The following CENPF variants were observed in gnomAD, a reference collection of about 807,000 sequenced individuals.
CENPF encodes the protein AH antigen.
In CENPF, 214 loss-of-function variants were observed where a neutral mutation model predicts 307.3. That is an observed-to-expected ratio of 0.70 (90% confidence interval 0.62 to 0.78). CENPF has a LOEUF of 0.78. CENPF is among the 30% of genes least tolerant of loss of function. CENPF has a pLI of 0.00. For missense variants in CENPF, 3,401 were observed against 3,483.9 expected, an observed-to-expected ratio of 0.98 and a Z score of 0.60; for synonymous variants, 1,259 against 1,270.6, an observed-to-expected ratio of 0.99 and a Z score of 0.19.
intron 14 of CENPF, 135 bp downstream of exon 14, chr1:214,648,962 GT>G: frequency 1.2e-6 from 1 of 845,726 alleles, no homozygotes; most frequent in South Asian, 1.8e-5. Context: ...CTGTGCTTAT[GT>G]CATAATCTGA....
chr1:214,635,070 A>G (rs1242695363), intron 10 of CENPF, among the ~76,000 whole-genome samples: 2 of 152,170 alleles, frequency 1.3e-5, no homozygotes, highest in Non-Finnish European at 1.5e-5. Flanking sequence ...TTAGGCAATA[A>G]AATACCATCG....
chr1:214,630,451 G>A (rs1040521550), intron 8 of CENPF, 83 bp from the exon 9 acceptor site: 6 of 1,531,880 alleles, frequency 3.9e-6, no homozygotes, highest in Admixed American at 3.5e-5. Flanking sequence ...CTGTGCAGTC[G>A]CCTGTTAGGA....
chr1:214,605,492 T>G (rs1656997671), intron 1 of CENPF: 4 of 566,966 alleles, frequency 7.1e-6, no homozygotes, highest in Non-Finnish European at 1.2e-5. Context: ...TTCACGTATT[T>G]TCTTCTTGCT....
At position 214,646,408 on chromosome 1, in the gene CENPF, GA is replaced by G; in HGVS notation, c.6841del (p.Ile2281LeufsTer2). The G allele has an allele frequency of 6.2e-7, 1 of 1,614,096 alleles. No homozygotes were observed. Among genetic ancestry groups the G allele is most frequent in the Middle Eastern group, 1.6e-4 (1 of 6,062 alleles). On this transcript the variant is annotated frameshift_variant, in exon 13 of 20. Transcript: ENST00000366955. LOFTEE classifies it high-confidence loss of function. ...EAVAALCGDQ[E>X]IMKATEQSLD... ...AGTAGCAGCCTTGTGTGGTGACCAA[GA>G]AATTATGAAGGCCACAGAACAGAGT...
At position 214,640,628 on chromosome 1, in the gene CENPF, A is replaced by C. The variant is rs765992720; in HGVS notation, c.2290A>C (p.Arg764=). The C allele has an allele frequency of 6.2e-7, 1 of 1,614,178 alleles. No individual in the cohort carries two copies. Among genetic ancestry groups the C allele is most frequent in the African/African-American group, 1.3e-5 (1 of 75,070 alleles). Residue 764 remains arginine (R), a synonymous_variant, in exon 12 of 20, where the codon AGG becomes CGG. Transcript: ENST00000366955. ...QDLHAEYESL[R]DLLKSKDASL... Reference sequence around the variant, plus strand: ...CTTGCATGCCGAATATGAGAGCCTCAGGGATCTGCTAAAATCCAAAGATGC... The same window carrying C: ...CTTGCATGCCGAATATGAGAGCCTCCGGGATCTGCTAAAATCCAAAGATGC...
intron 11 of CENPF, among the ~76,000 whole-genome samples, chr1:214,638,502 C>G (rs80221670): frequency 0.049 from 7,470 of 152,288 alleles, 238 homozygotes; most frequent in East Asian, 0.12. Context: ...GAATTCTGCT[C>G]TACACATCAA....
chr1:214,654,556 G>A (rs944991480), intron 16 of CENPF: 12 of 152,164 alleles, frequency 7.9e-5, no homozygotes, highest in African/African-American at 2.4e-4. Flanking sequence ...GACAGAGGGA[G>A]ATCCTGTCTT....
intron 9 of CENPF, 48 bp downstream of exon 9, chr1:214,630,710 C>T (rs779433130): frequency 6.3e-7 from 1 of 1,596,264 alleles, no homozygotes; most frequent in East Asian, 2.2e-5. Flanking sequence ...CCTCTTGTTC[C>T]TTGTACTTGT....
At chr1:214,616,054 G>A (rs1412652356) in intron 3 of CENPF, among the ~76,000 whole-genome samples, 1 of 152,092 alleles carries the variant, frequency 6.6e-6, no homozygotes, top group African/African-American at 2.4e-5. Context: ...TTTCTGGAAG[G>A]TCTCCAACAA....
Position 214,620,944 on chromosome 1 carries a change from A to C in CENPF, c.863A>C (p.Gln288Pro), listed in dbSNP as rs1558173063. ...HLLDQLKAQN[Q>P]ELRNKINELE... Reference sequence around the variant, plus strand: ...TTGGATCAATTAAAAGCGCAGAATCAAGGTAACATTGAGCTAAGTTAAGTT... The same window carrying C: ...TTGGATCAATTAAAAGCGCAGAATCCAGGTAACATTGAGCTAAGTTAAGTT... The change falls in exon 6 of 20, where the codon CAA becomes CCA. Residue 288 changes from glutamine (Q) to proline (P), a missense_variant and splice_region_variant. Gln to Pro is a moderately conservative substitution (Grantham distance 76). Transcript: ENST00000366955. 1.9e-6 allele frequency: 3 copies of C among 1,599,008 alleles called. No individual in the cohort carries two copies. Among genetic ancestry groups the C allele is most frequent in the African/African-American group, 2.7e-5 (2 of 74,110 alleles).
At chr1:214,617,562 A>G (rs763079750) in intron 3 of CENPF, among the ~76,000 whole-genome samples, 75 of 152,220 alleles carry the variant, frequency 4.9e-4, no homozygotes, top group Non-Finnish European at 1.5e-4. Context: ...GAATACCTTT[A>G]TACAGGGTGT....
intron 13 of CENPF, 100 bp from the exon 14 acceptor site, chr1:214,648,575 G>A: frequency 7.4e-7 from 1 of 1,345,412 alleles, no homozygotes. Context: ...TTTTATGATT[G>A]AAGGCTAAAA....
chr1:214,638,597 A>G (rs987789901), intron 11 of CENPF, among the ~76,000 whole-genome samples: 28 of 152,122 alleles, frequency 1.8e-4, no homozygotes, highest in African/African-American at 6.3e-4. Flanking sequence ...GGGTGTTTGC[A>G]TATCTAGAAT....
At position 214,642,984 on chromosome 1, in the gene CENPF, T is replaced by C. The variant is rs760138042; in HGVS notation, c.4646T>C (p.Val1549Ala). 3 of 1,611,014 alleles carry C rather than the reference T, an allele frequency of 1.9e-6. No homozygotes were observed. Among genetic ancestry groups the C allele is most frequent in the Non-Finnish European group, 2.5e-6 (3 of 1,179,144 alleles). ...KETPSAPAKG[V>A]EELESLCEVY... is the part of the protein sequence containing the mutation. ...ACCCCTTCGGCCCCAGCGAAGGGTG[T>C]TGAAGAGCTTGAGTCCCTCTGTGAG... The change falls in exon 12 of 20, where the codon GTT becomes GCT. Residue 1549 changes from valine to alanine, a missense_variant. Transcript: ENST00000366955.
At chr1:214,638,751 C>T (rs1004678169) in intron 11 of CENPF, among the ~76,000 whole-genome samples, 16 of 152,148 alleles carry the variant, frequency 1.1e-4, no homozygotes, top group Admixed American at 7.9e-4. Context: ...ACCCAGGAGG[C>T]GGAGATTGCG....
At chr1:214,607,500 C>T (rs1472394834) in intron 1 of CENPF, among the ~76,000 whole-genome samples, 1 of 152,128 alleles carries the variant, frequency 6.6e-6, no homozygotes, top group African/African-American at 2.4e-5. Flanking sequence ...AGCTCCCAGG[C>T]CCACAGCAGG....
At position 214,657,404 on chromosome 1, in the gene CENPF, A is replaced by C; in HGVS notation, c.8957A>C (p.Lys2986Thr). Residue 2986 changes from lysine to threonine, a missense_variant, in exon 18 of 20, where the codon AAG (lysine) becomes ACG (threonine). Coordinates refer to ENST00000366955, the MANE Select transcript of CENPF (RefSeq NM_016343.4). ...CCAGAGGGACTTCCAGAAGTTGTAA[A>C]GAAAGGTATGCCTAATTTAAAGACA... ...FEPEGLPEVV[K>T]KGFADIPTGK... The C allele has an allele frequency of 3.8e-6, 6 of 1,598,588 alleles. No homozygotes were observed. Among genetic ancestry groups the C allele is most frequent in the Non-Finnish European group, 5.1e-6 (6 of 1,172,632 alleles).
chr1:214,646,631 A>C lies in CENPF; in HGVS notation c.7061A>C (p.His2354Pro). 6.8e-6 allele frequency: 11 copies of C among 1,613,694 alleles called. No individual in the cohort carries two copies. Among genetic ancestry groups the C allele is most frequent in the Non-Finnish European group, 9.3e-6 (11 of 1,179,624 alleles). The stretch of plus-strand genomic sequence containing the variant: ...GAGATAGCCAGGACAAACCAAGAGC[A>C]TGCAGCTCTTGAGGCAGAGAATTCC... ...ELEIARTNQE[H>P]AALEAENSKG... is the part of the protein sequence containing the mutation. Residue 2354 changes from histidine to proline, a missense_variant, in exon 13 of 20, where the codon CAT (histidine) becomes CCT (proline). By Grantham distance (77) the His-to-Pro change is moderately conservative. Transcript: ENST00000366955.
At chr1:214,661,659 T>C (rs1362015434) in intron 19 of CENPF, among the ~76,000 whole-genome samples, 1 of 152,204 alleles carries the variant, frequency 6.6e-6, no homozygotes, top group African/African-American at 2.4e-5. Flanking sequence ...GAGACAGCGC[T>C]TGTAGACCTG....
Sources: allele counts gnomAD v4.1 joint callset (sites outside exome capture counted in the v4.1 genomes callset), GRCh38; gene constraint gnomAD v4.1.1; transcripts MANE v1.5; gene names NCBI Gene and HGNC (gene_info 2026-07-23, HGNC 2026-07-21).